METTL15: variants seen among roughly 807,000 people sequenced by gnomAD.
The protein encoded by METTL15 is 12S rRNA N(4)-cytidine methyltransferase METTL15.
METTL15 carries 34 observed loss-of-function variants against 38.3 expected under a neutral mutation model. The observed-to-expected ratio is 0.89, with a 90% CI of 0.68 to 1.18. The LOEUF (loss-of-function observed/expected upper bound fraction) is 1.18. Ranked by LOEUF, METTL15 falls within the 50% of genes most tolerant of loss-of-function variation. METTL15 has a pLI of 0.00. For synonymous variants in METTL15, 162 were observed against 170.9 expected (o/e 0.95, Z 0.41); for missense variants, 438 against 498.4 (o/e 0.88, Z 1.15).
At chr11:28,440,442 A>T (rs1425029846) in intron 6 of METTL15, among the ~76,000 whole-genome samples, 3 of 152,204 alleles carry the variant, frequency 2.0e-5, no homozygotes, top group Non-Finnish European at 4.4e-5. Context: ...TAAATCTCAT[A>T]AGTCTTTATA....
intron 3 of METTL15, among the ~76,000 whole-genome samples, chr11:28,182,472 A>G (rs1851328033): frequency 6.6e-6 from 1 of 152,026 alleles, no homozygotes; most frequent in South Asian, 2.1e-4. Context: ...TTTTCTGCCT[A>G]GGGCTAGCCT....
chr11:28,388,688 T>A (rs942790750), intron 5 of METTL15, among the ~76,000 whole-genome samples: 5 of 152,172 alleles, frequency 3.3e-5, no homozygotes, highest in African/African-American at 1.2e-4. Context: ...ACTTTTCTTT[T>A]TTTTTATTAT....
intron 5 of METTL15, among the ~76,000 whole-genome samples, chr11:28,363,643 T>C (rs1347912597): frequency 6.6e-6 from 1 of 152,240 alleles, no homozygotes; most frequent in African/African-American, 2.4e-5. Context: ...GGTTGTCTGT[T>C]TTCTCTGTTG....
At chr11:28,209,701 C>T (rs990072466) in intron 3 of METTL15, among the ~76,000 whole-genome samples, 4 of 151,914 alleles carry the variant, frequency 2.6e-5, no homozygotes, top group South Asian at 2.1e-4. Flanking sequence ...ACTTGATCAG[C>T]GGATGGGACT....
intron 6 of METTL15, among the ~76,000 whole-genome samples, chr11:28,443,038 G>T (rs1851048172): frequency 6.6e-6 from 1 of 152,278 alleles, no homozygotes; most frequent in South Asian, 2.1e-4. Flanking sequence ...GTTCACAACT[G>T]TGTTACCCAT....
chr11:28,142,801 A>G (rs1208653554), intron 3 of METTL15, among the ~76,000 whole-genome samples: 2 of 152,170 alleles, frequency 1.3e-5, no homozygotes, highest in East Asian at 3.9e-4. Context: ...GATTAGATAG[A>G]TATTTTGTAA....
chr11:28,280,841 TG>T (rs1357321954), intron 4 of METTL15, among the ~76,000 whole-genome samples: 1 of 152,154 alleles, frequency 6.6e-6, no homozygotes, highest in East Asian at 1.9e-4. Context: ...GTTTTCCATT[TG>T]GTCTGATTTT....
At chr11:28,377,779 T>G (rs1387946767) in intron 5 of METTL15, among the ~76,000 whole-genome samples, 3 of 149,884 alleles carry the variant, frequency 2.0e-5, no homozygotes, top group Non-Finnish European at 1.5e-5. Context: ...TTTTTCCCCA[T>G]CTTTGTGGTT....
At chr11:28,319,937 G>A (rs1006592009) in intron 6 of METTL15, among the ~76,000 whole-genome samples, 2 of 152,144 alleles carry the variant, frequency 1.3e-5, no homozygotes, top group East Asian at 3.9e-4. Flanking sequence ...GCGATACAGA[G>A]TCAATGTTCT....
chr11:28,308,258 T>G (rs1273207218), intron 6 of METTL15, among the ~76,000 whole-genome samples: 1 of 152,148 alleles, frequency 6.6e-6, no homozygotes, highest in African/African-American at 2.4e-5. Flanking sequence ...TTTGTTTTTA[T>G]TTGTCCTTCG....
intron 3 of METTL15, among the ~76,000 whole-genome samples, chr11:28,171,088 C>G (rs753205429): frequency 7.9e-5 from 12 of 152,204 alleles, no homozygotes; most frequent in Non-Finnish European, 1.5e-4. Flanking sequence ...TAGGTTTCCA[C>G]TTATGTTCTG....
chr11:28,197,248 A>G (rs1851942760), intron 3 of METTL15, among the ~76,000 whole-genome samples: 1 of 151,838 alleles, frequency 6.6e-6, no homozygotes, highest in African/African-American at 2.4e-5. Context: ...TCCTTTTTAA[A>G]AGACCTTCTG....
At chr11:28,216,567 T>C (rs962003242) in intron 4 of METTL15, among the ~76,000 whole-genome samples, 1 of 149,180 alleles carries the variant, frequency 6.7e-6, no homozygotes. Context: ...GAGAAACTTC[T>C]TTTTTTTATT....
chr11:28,226,841 C>G (rs1387057528), intron 4 of METTL15, among the ~76,000 whole-genome samples: 1 of 151,834 alleles, frequency 6.6e-6, no homozygotes, highest in African/African-American at 2.4e-5. Flanking sequence ...ACAGTTGTTA[C>G]TAATCTTACT....
At chr11:28,152,486 T>G (rs1199515765) in intron 3 of METTL15, among the ~76,000 whole-genome samples, 1 of 151,980 alleles carries the variant, frequency 6.6e-6, no homozygotes, top group East Asian at 1.9e-4. Flanking sequence ...AAATATAGTT[T>G]GACAGAGAAA....
intron 4 of METTL15, among the ~76,000 whole-genome samples, chr11:28,241,196 A>G (rs543312472): frequency 6.6e-6 from 1 of 152,330 alleles, no homozygotes; most frequent in East Asian, 1.9e-4. Context: ...TAAGCAGAAT[A>G]GGTAAGTTTT....
At chr11:28,183,243 C>T (rs748559996) in intron 3 of METTL15, among the ~76,000 whole-genome samples, 1 of 151,972 alleles carries the variant, frequency 6.6e-6, no homozygotes, top group Non-Finnish European at 1.5e-5. Flanking sequence ...TTTGAATACC[C>T]TTTGTTTCTT....
intron 4 of METTL15, among the ~76,000 whole-genome samples, chr11:28,242,744 A>T (rs992687095): frequency 6.6e-6 from 1 of 152,162 alleles, no homozygotes; most frequent in African/African-American, 2.4e-5. Context: ...TGATTTTCAA[A>T]GCATTCTCCA....
intron 3 of METTL15, among the ~76,000 whole-genome samples, chr11:28,161,785 G>A (rs1416119402): frequency 1.3e-5 from 2 of 152,088 alleles, no homozygotes; most frequent in African/African-American, 4.8e-5. Context: ...GTTCAGCCTG[G>A]GATCTTTTGA....
Sources: allele counts gnomAD v4.1 joint callset (sites outside exome capture counted in the v4.1 genomes callset), GRCh38; gene constraint gnomAD v4.1.1; transcripts MANE v1.5; gene names NCBI Gene and HGNC (gene_info 2026-07-23, HGNC 2026-07-21).